AK7: variants seen among roughly 807,000 people sequenced by gnomAD.
AK7 encodes the protein ATP-AMP transphosphorylase 7.
A neutral mutation model predicts 96.6 loss-of-function variants in AK7; 78 were observed. The observed-to-expected ratio is 0.81, with a 90% CI of 0.67 to 0.97. AK7 has a LOEUF of 0.97. Among genes scored for constraint, AK7 ranks in the 50% least tolerant of loss-of-function variants. The probability of loss-of-function intolerance (pLI) is 0.00; values close to 1 mark genes in which losing one functional copy is unlikely to be tolerated. For synonymous variants in AK7, 302 were observed against 317.2 expected, an observed-to-expected ratio of 0.95 and a Z score of 0.51; for missense variants, 855 against 887.9, an observed-to-expected ratio of 0.96 and a Z score of 0.47.
chr14:96,392,623 C>T (rs977291887), intron 1 of AK7, among the ~76,000 whole-genome samples: 1 of 152,130 alleles, frequency 6.6e-6, no homozygotes, highest in Non-Finnish European at 1.5e-5. Context: ...CTCTTTCTAC[C>T]CTTCCATCGA....
Position 96,419,784 on chromosome 14 carries a change from C to CTTTTTTTTTTTTTTTT in AK7, c.499-1034_499-1033insTTTTTTTTTTTTTTTT, listed in dbSNP as rs11449244. Among the ~76,000 whole-genome samples, 61 of 101,672 alleles carry CTTTTTTTTTTTTTTTT rather than the reference C, an allele frequency of 6.0e-4. 5 individuals are homozygous for CTTTTTTTTTTTTTTTT. Among genetic ancestry groups the CTTTTTTTTTTTTTTTT allele is most frequent in the Non-Finnish European group, 7.4e-4 (40 of 54,130 alleles). The allele number at this position is 101,672 out of a possible 152,430, so 66.7% of individuals were successfully genotyped here. A position where few individuals can be genotyped will look rare whatever the true frequency, so the allele number is the denominator to read the frequency against. Reference sequence around the variant, plus strand: ...TCTCCTAAAGCATTTTTTTTTCTTTCTTTTCTTTTTTTTTTTTTTTTGAGA... The same window carrying CTTTTTTTTTTTTTTTT: ...TCTCCTAAAGCATTTTTTTTTCTTTCTTTTTTTTTTTTTTTTTTTTCTTTTTTTTTTTTTTTTGAGA... On this transcript the variant is annotated intron_variant, in intron 4 of 17. Transcript: ENST00000267584.
chr14:96,413,504 C>T (rs577930758), intron 4 of AK7, among the ~76,000 whole-genome samples: 40 of 152,320 alleles, frequency 2.6e-4, no homozygotes, highest in Non-Finnish European at 4.9e-4. Context: ...CAAGCCACTG[C>T]GCCTGCCGGG....
intron 4 of AK7, among the ~76,000 whole-genome samples, chr14:96,410,812 G>T (rs190927040): frequency 6.6e-6 from 1 of 152,122 alleles, no homozygotes; most frequent in African/African-American, 2.4e-5. Context: ...AGACCAGCCC[G>T]GGTAACAGGG....
chr14:96,411,874 G>A (rs1189420086), intron 4 of AK7, among the ~76,000 whole-genome samples: 1 of 152,206 alleles, frequency 6.6e-6, no homozygotes, highest in Non-Finnish European at 1.5e-5. Context: ...AGACATGTTA[G>A]AAAGACATAC....
intron 14 of AK7, among the ~76,000 whole-genome samples, chr14:96,475,447 A>G (rs1340941958): frequency 1.3e-5 from 2 of 152,128 alleles, no homozygotes; most frequent in Non-Finnish European, 2.9e-5. Flanking sequence ...GCCACAGTGA[A>G]CCGTTCGGGA....
intron 3 of AK7, among the ~76,000 whole-genome samples, chr14:96,407,580 C>CTTTTTTTTTTTT (rs11364736): frequency 1.7e-5 from 1 of 60,310 alleles, no homozygotes; most frequent in African/African-American, 4.8e-5. Flanking sequence ...TCTTTCTTTT[C>CTTTTTTTTTTTT]TTTTTTTTTT....
At chr14:96,446,679 G>T in intron 8 of AK7, 72 bp downstream of exon 8, 1 of 1,386,088 alleles carries the variant, frequency 7.2e-7, no homozygotes, top group East Asian at 2.3e-5. Flanking sequence ...GGTGGCTCAT[G>T]CCTGTAATCC....
rs1452308295 is a variant in AK7, at chr14:96,436,815, A to G, written c.610-1020A>G. Among the ~76,000 whole-genome samples, 5 of 152,104 alleles carry G rather than the reference A, an allele frequency of 3.3e-5. No individual in the cohort carries two copies. The East Asian group carries it at 7.7e-4, about 24-fold the overall frequency. ...CTCTGGGACTCCAGGGATGGTGGCT[A>G]CTGTGCATTTCACCTTCCTCATGCC... On this transcript the variant is annotated intron_variant, in intron 5 of 17. Coordinates refer to ENST00000267584, the MANE Select transcript of AK7 (RefSeq NM_152327.5).
At chr14:96,477,813 TGGCAAACTG>T (rs1895268271) in intron 14 of AK7, among the ~76,000 whole-genome samples, 1 of 152,226 alleles carries the variant, frequency 6.6e-6, no homozygotes, top group African/African-American at 2.4e-5. Context: ...TTTATTAATT[TGGCAAACTG>T]GCCATCAAAG....
At chr14:96,398,849 C>T (rs975553795) in intron 2 of AK7, 4 of 154,322 alleles carry the variant, frequency 2.6e-5, no homozygotes, top group African/African-American at 9.7e-5. Context: ...AGTCCTGAGA[C>T]ATTTAAATGT....
At chr14:96,414,733 G>A (rs1891226254) in intron 4 of AK7, among the ~76,000 whole-genome samples, 1 of 150,802 alleles carries the variant, frequency 6.6e-6, no homozygotes, top group African/African-American at 2.4e-5. Flanking sequence ...GACGGATGGA[G>A]GTTGAAGAAG....
At chr14:96,478,960 G>A (rs890295202) in intron 15 of AK7, among the ~76,000 whole-genome samples, 2 of 151,736 alleles carry the variant, frequency 1.3e-5, no homozygotes, top group African/African-American at 4.8e-5. Context: ...CCAAGCTGGA[G>A]TGCAGTGGTG....
chr14:96,436,195 A>G (rs1007864371), intron 5 of AK7, among the ~76,000 whole-genome samples: 1 of 152,192 alleles, frequency 6.6e-6, no homozygotes, highest in Non-Finnish European at 1.5e-5. Context: ...CCTTTAGGCT[A>G]AATTTTCAAA....
chr14:96,447,549 T>C (rs1025717424), intron 8 of AK7, among the ~76,000 whole-genome samples: 3 of 152,110 alleles, frequency 2.0e-5, no homozygotes, highest in Non-Finnish European at 2.9e-5. Flanking sequence ...CTGAAACTCC[T>C]GAGCTCAAAT....
At chr14:96,488,057 C>T (rs577435535) in intron 17 of AK7, 16 of 403,126 alleles carry the variant, frequency 4.0e-5, no homozygotes, top group South Asian at 2.7e-4. Context: ...GGATTACAGG[C>T]GCCTGCCACC....
chr14:96,426,983 C>T (rs1312221364), intron 5 of AK7, among the ~76,000 whole-genome samples: 1 of 152,168 alleles, frequency 6.6e-6, no homozygotes, highest in Non-Finnish European at 1.5e-5. Flanking sequence ...TGGTGGCTCA[C>T]GCCTGTAATC....
At position 96,408,887 on chromosome 14, in the gene AK7, A is replaced by G; in HGVS notation, c.444A>G (p.Leu148=). The G allele has an allele frequency of 6.2e-7, 1 of 1,614,230 alleles. No individual in the cohort carries two copies. Among genetic ancestry groups the G allele is most frequent in the Non-Finnish European group, 8.5e-7 (1 of 1,180,028 alleles). ...TCAGCCACTTTGAAAAGCGAAAGCT[A>G]TTTATTTTACTGTCGACGGTGATGA... is the stretch of plus-strand genomic sequence containing the variant. The part of the protein sequence containing the change: ...EEVSHFEKRK[L]FILLSTVMTW... The change falls in exon 4 of 18, where the codon CTA becomes CTG. Residue 148 remains leucine, a synonymous_variant. Transcript: ENST00000267584.
Position 96,392,276 on chromosome 14 carries a change from G to T in AK7, c.105+17G>T. 1 of 1,595,348 alleles carries T rather than the reference G, an allele frequency of 6.3e-7. No homozygotes were observed. The highest frequency in any genetic ancestry group is 8.6e-7 in the Non-Finnish European group (1 of 1,163,740). On this transcript the variant is annotated intron_variant, in intron 1 of 17. Coordinates refer to ENST00000267584, the MANE Select transcript of AK7 (RefSeq NM_152327.5). ...ATCGGGAAGGTGAGCGGCGGCGGCG[G>T]CCCAGAGCCTCACGCCAGCTCTCAG...
intron 16 of AK7, 42 bp from the exon 17 acceptor site, chr14:96,486,856 T>A: frequency 6.3e-7 from 1 of 1,586,400 alleles, no homozygotes; most frequent in East Asian, 2.2e-5. Context: ...TTCTCCCCTT[T>A]CTCACTACAC....
Sources: gnomAD v4.1 joint callset for allele counts (sites outside exome capture counted in the v4.1 genomes callset) on GRCh38, gnomAD v4.1.1 for gene constraint, MANE v1.5 for transcripts, NCBI Gene and HGNC (gene_info 2026-07-23, HGNC 2026-07-21) for gene names.